Variants in KY observed in about 807,000 individuals in gnomAD.
The protein encoded by KY is kyphoscoliosis peptidase.
A neutral mutation model predicts 76.1 loss-of-function variants in KY; 43 were observed. The observed-to-expected ratio is 0.57, with a 90% CI of 0.44 to 0.73. KY has a LOEUF of 0.73. KY is among the 30% of genes least tolerant of loss of function. KY has a pLI of 0.00. For synonymous variants in KY, 277 were observed against 326.2 expected (o/e 0.85, Z 1.63); for missense variants, 722 against 828.9 (o/e 0.87, Z 1.58).
At chr3:134,620,965 TGGA>T in intron 6 of KY, 108 bp from the exon 7 acceptor site, 1 of 713,388 alleles carries the variant, frequency 1.4e-6, no homozygotes, top group Non-Finnish European at 2.5e-6. Context: ...GCAGAGAAGC[TGGA>T]GGAGAGGTCC....
intron 3 of KY, among the ~76,000 whole-genome samples, chr3:134,630,863 G>A (rs574895506): frequency 2.2e-4 from 34 of 152,230 alleles, no homozygotes; most frequent in African/African-American, 8.2e-4. Context: ...ATAGCAAACA[G>A]TTTTGAGATA....
chr3:134,628,069 G>A, intron 4 of KY: 4 of 558,380 alleles, frequency 7.2e-6, no homozygotes, highest in Non-Finnish European at 1.3e-5. Flanking sequence ...TGCAACTGGA[G>A]TTAGTATTTG....
chr3:134,627,282 G>A (rs917728595), intron 5 of KY, among the ~76,000 whole-genome samples: 2 of 152,076 alleles, frequency 1.3e-5, no homozygotes, highest in South Asian at 2.1e-4. Flanking sequence ...GCTGCACCCC[G>A]CCTTAGATGA....
At chr3:134,650,698 T>C (rs1966862547) in intron 1 of KY, 127 bp downstream of exon 1, 9 of 820,500 alleles carry the variant, frequency 1.1e-5, no homozygotes, top group Admixed American at 3.3e-5. Flanking sequence ...ACGGCAGCCA[T>C]GGGGGAGAGG....
chr3:134,608,258 CGTA>C, intron 10 of KY: 1 of 1,197,130 alleles, frequency 8.4e-7, no homozygotes, highest in Non-Finnish European at 1.1e-6. Context: ...GCCAGGGTGA[CGTA>C]GTCCTTTTCC....
intron 8 of KY, chr3:134,613,210 A>C (rs1363827687): frequency 6.5e-6 from 1 of 154,420 alleles, no homozygotes; most frequent in Non-Finnish European, 1.5e-5. Context: ...GAGTCAAGGA[A>C]GGAAGGAGAG....
At chr3:134,627,587 C>T (rs1963627568) in intron 5 of KY, among the ~76,000 whole-genome samples, 169 bp downstream of exon 5, 1 of 152,170 alleles carries the variant, frequency 6.6e-6, no homozygotes, top group South Asian at 2.1e-4. Flanking sequence ...CACCTGTGTC[C>T]ATGGCAGACA....
intron 5 of KY, 135 bp from the exon 6 acceptor site, chr3:134,625,270 C>G: frequency 1.4e-6 from 1 of 733,352 alleles, no homozygotes. Flanking sequence ...AACATTGAGC[C>G]TAAGAGCTAT....
rs546291986 is a variant in KY, at chr3:134,600,817, G to T, written c.*2762C>A. Reference sequence around the variant, plus strand: ...ATCCCTTGTCTTTTCAACACACCAGGTTGTCCCCCAGGATGCCCTCACAGC... The same window carrying T: ...ATCCCTTGTCTTTTCAACACACCAGTTTGTCCCCCAGGATGCCCTCACAGC... On this transcript the variant is annotated 3_prime_UTR_variant, in exon 11 of 11. Coordinates refer to ENST00000423778, the MANE Select transcript of KY (RefSeq NM_178554.6). 2 of 152,384 alleles carry T rather than the reference G, an allele frequency of 1.3e-5. No homozygotes were observed. The highest frequency in any genetic ancestry group is 3.9e-4 in the East Asian group (2 of 5,182). 9.4% of individuals were successfully genotyped at this position (152,384 alleles called of 1,614,324 possible). A position where few individuals can be genotyped will look rare whatever the true frequency, so the allele number is the denominator to read the frequency against.
rs765431054 is a variant in KY at position 134,603,653 on chromosome 3, A to G, written c.1912T>C (p.Tyr638His). 6.2e-7 allele frequency: 1 copy of G among 1,613,358 alleles called. No homozygotes were observed. Among genetic ancestry groups the G allele is most frequent in the East Asian group, 2.2e-5 (1 of 44,862 alleles). The change falls in exon 11 of 11, where the codon TAT becomes CAT. Residue 638 changes from tyrosine (Y) to histidine (H), a missense_variant. Tyr to His is a moderately conservative substitution (Grantham distance 83, BLOSUM62 2). This residue lies in a region of KY where 552 missense variants were observed against 680.9 expected (regional missense o/e 0.81). Transcript: ENST00000423778. ...TTGGCATTCTCCAGCACCATGACATAGACTTCCTGGCAGCCAGCTGTGCTG... is the reference window on the plus strand; with the variant it reads ...TTGGCATTCTCCAGCACCATGACATGGACTTCCTGGCAGCCAGCTGTGCTG... ...SCSTAGCQEV[Y>H]VMVLENANHN... is the part of the protein sequence containing the mutation.
Position 134,650,996 on chromosome 3 carries a change from G to C in KY, c.-36C>G. On this transcript the variant is annotated 5_prime_UTR_variant, in exon 1 of 11. Coordinates refer to ENST00000423778, the MANE Select transcript of KY (RefSeq NM_178554.6). ...CCTTTCCGACCTGGGCGCCGCGGCC[G>C]CACGCTAGGCTGCTTGCGCTGCAAA... The C allele has an allele frequency of 1.2e-6, 2 of 1,611,664 alleles. No homozygotes were observed. Among genetic ancestry groups the C allele is most frequent in the Non-Finnish European group, 8.5e-7 (1 of 1,178,846 alleles).
chr3:134,649,498 C>T (rs1025715941), intron 1 of KY, among the ~76,000 whole-genome samples: 1 of 152,182 alleles, frequency 6.6e-6, no homozygotes, highest in African/African-American at 2.4e-5. Context: ...TCAGAGCAGT[C>T]TCATTTCTAT....
At position 134,611,462 on chromosome 3, in the gene KY, T is replaced by G. The variant is rs951085196; in HGVS notation, c.711-1079A>C. Among the ~76,000 whole-genome samples, 4 of 152,228 alleles carry G rather than the reference T, an allele frequency of 2.6e-5. No individual in the cohort carries two copies. In the East Asian group the frequency reaches 7.7e-4, roughly 29 times the overall value. ...AAGGGGATGGACTGTGCAGACAATT[T>G]CACTGCTAGTCTGACCTAGGGACAT... On this transcript the variant is annotated intron_variant, in intron 8 of 10. Coordinates refer to ENST00000423778, the MANE Select transcript of KY (RefSeq NM_178554.6).
At chr3:134,625,981 A>G (rs539622602) in intron 5 of KY, among the ~76,000 whole-genome samples, 42 of 152,360 alleles carry the variant, frequency 2.8e-4, no homozygotes, top group Non-Finnish European at 1.3e-4. Flanking sequence ...TATTGCTGGG[A>G]GGCTGCTGCA....
chr3:134,608,689 C>T lies in KY; in HGVS notation c.1050G>A (p.Gly350=). 1 of 1,614,050 alleles carries T rather than the reference C, an allele frequency of 6.2e-7. No individual in the cohort carries two copies. Among genetic ancestry groups the T allele is most frequent in the Non-Finnish European group, 8.5e-7 (1 of 1,179,898 alleles). ...AAGTCTCTGGGTGGGCACTCAGCAT[C>T]CCTTTGTTGTAGAATTCACTCTTGT... ...MYHKSEFYNK[G]MLSAHPETSM... is the part of the protein sequence containing the mutation. The change falls in exon 10 of 11, where the codon GGG becomes GGA. Residue 350 remains glycine (G), a synonymous_variant. Transcript: ENST00000423778.
chr3:134,609,267 T>C (rs368724553), intron 9 of KY, among the ~76,000 whole-genome samples: 64 of 152,326 alleles, frequency 4.2e-4, no homozygotes, highest in African/African-American at 1.4e-3. Context: ...CGGGGACCTT[T>C]TGTGGCTCTC....
At chr3:134,626,288 G>T (rs1963439773) in intron 5 of KY, among the ~76,000 whole-genome samples, 1 of 152,338 alleles carries the variant, frequency 6.6e-6, no homozygotes, top group Middle Eastern at 3.4e-3. Context: ...TGGTAGGGAA[G>T]TCTGGGAAGA....
rs578002801 is a variant in KY, at chr3:134,635,656, T to C, written c.263-5961A>G. Among the ~76,000 whole-genome samples the C allele has an allele frequency of 5.9e-5, 9 of 152,286 alleles. No homozygotes were observed. In the South Asian group the frequency reaches 8.3e-4, roughly 14 times the overall value. ...GATATTCTGATGATGGTAACCACCA[T>C]AGTGGTGGTTTCACAAATCTATGCA... On this transcript the variant is annotated intron_variant, in intron 3 of 10. Coordinates refer to ENST00000423778, the MANE Select transcript of KY (RefSeq NM_178554.6).
intron 10 of KY, among the ~76,000 whole-genome samples, chr3:134,605,014 T>C (rs1315683596): frequency 6.6e-6 from 1 of 151,268 alleles, no homozygotes; most frequent in African/African-American, 2.4e-5. Flanking sequence ...GATCCCCACC[T>C]CCCCCACCCC....
Sources: allele counts gnomAD v4.1 joint callset (sites outside exome capture counted in the v4.1 genomes callset), GRCh38; gene constraint gnomAD v4.1.1; regional missense constraint gnomAD v4.1.1; transcripts MANE v1.5; gene names NCBI Gene and HGNC (gene_info 2026-07-23, HGNC 2026-07-21).